Variants in SGCD observed in about 807,000 individuals in gnomAD.
SGCD encodes the protein sarcoglycan delta.
In SGCD, 18 loss-of-function variants were observed where a neutral mutation model predicts 36.6. That is an observed-to-expected ratio of 0.49 (90% CI 0.34 to 0.73). The LOEUF is 0.73. SGCD is among the 30% of genes least tolerant of loss of function. The pLI, the probability that SGCD is intolerant of heterozygous loss-of-function variation, is 0.01. For missense variants in SGCD, 387 were observed against 346.7 expected (o/e 1.12, Z -0.92); for synonymous variants, 133 against 130.6 (o/e 1.02, Z -0.12).
intron 3 of SGCD, among the ~76,000 whole-genome samples, chr5:156,433,220 C>G (rs1045470688): frequency 5.3e-5 from 8 of 152,202 alleles, no homozygotes; most frequent in Non-Finnish European, 1.2e-4. Context: ...ATCATTCTCT[C>G]TCTGTTCTCG....
At position 155,978,028 on chromosome 5, in the gene SGCD, A is replaced by G. The variant is rs1291651611; in HGVS notation, c.-282+107604A>G. On this transcript the variant is annotated intron_variant, in intron 1 of 9. Transcript: ENST00000517913. ...GGTATCGCTTAAACCTAGGCAGCAG[A>G]GGTTGCAGTTAGCTGAGATCATGCC... 4.6e-5 allele frequency among the ~76,000 whole-genome samples: 7 copies of G among 152,092 alleles called. No homozygotes were observed. The East Asian group carries it at 1.3e-3, about 29-fold the overall frequency.
intron 1 of SGCD, among the ~76,000 whole-genome samples, chr5:156,091,775 C>T (rs1761250390): frequency 6.6e-6 from 1 of 152,216 alleles, no homozygotes; most frequent in South Asian, 2.1e-4. Context: ...CCAGTAGCCT[C>T]CTTTTGTTCC....
At chr5:155,901,033 C>T (rs1756377378) in intron 1 of SGCD, among the ~76,000 whole-genome samples, 1 of 152,044 alleles carries the variant, frequency 6.6e-6, no homozygotes, top group Admixed American at 6.6e-5. Flanking sequence ...AAAAAATAGG[C>T]CAGTCGTGGT....
chr5:156,424,697 G>A (rs901015028), intron 3 of SGCD, among the ~76,000 whole-genome samples: 3 of 152,032 alleles, frequency 2.0e-5, no homozygotes, highest in African/African-American at 7.2e-5. Context: ...GGAGGACTCA[G>A]GGCACTCAGC....
At position 156,070,495 on chromosome 5, in the gene SGCD, C is replaced by T. The variant is rs542666018; in HGVS notation, c.-281-47383C>T. Among the ~76,000 whole-genome samples the T allele has an allele frequency of 8.2e-3, 1,138 of 139,372 alleles. 30 individuals carry two copies. Among genetic ancestry groups the T allele is most frequent in the African/African-American group, 0.034 (1,030 of 29,860 alleles). 91.4% of individuals were successfully genotyped at this position (139,372 alleles called of 152,430 possible). A position where few individuals can be genotyped will look rare whatever the true frequency, so the allele number is the denominator to read the frequency against. Reference sequence around the variant, plus strand: ...AGGGATGAAGCCCACTTGATCATGACTGATAAGCTTTTTGATGTGCTGCTG... The same window carrying T: ...AGGGATGAAGCCCACTTGATCATGATTGATAAGCTTTTTGATGTGCTGCTG... On this transcript the variant is annotated intron_variant, in intron 1 of 9. Transcript: ENST00000517913.
intron 1 of SGCD, among the ~76,000 whole-genome samples, chr5:155,940,941 A>C (rs759986827): frequency 3.9e-5 from 6 of 152,126 alleles, no homozygotes; most frequent in Non-Finnish European, 8.8e-5. Flanking sequence ...GGAGTGTCTT[A>C]GTCTATTTTG....
At chr5:155,855,597 C>T in the SGCD span, among the ~76,000 whole-genome samples, 11 of 152,128 alleles carry the variant, frequency 7.2e-5, no homozygotes, top group Admixed American at 2.0e-4. Context: ...CCACATTGAT[C>T]GGCTAAAAAC....
rs1581051463 is a variant in SGCD, at chr5:156,030,429, G to T, written c.-281-87449G>T. On this transcript the variant is annotated intron_variant, in intron 1 of 9. Transcript: ENST00000517913. ...GCAGAGGCAGAGATGAGAGTGGCAT[G>T]TCTACAAGCCAAGGAACAGCAAGGA... is the stretch of plus-strand genomic sequence containing the variant. Among the ~76,000 whole-genome samples the T allele has an allele frequency of 2.0e-5, 3 of 152,294 alleles. No homozygotes were observed. The East Asian group carries it at 5.8e-4, about 29-fold the overall frequency.
chr5:155,877,758 T>C (rs1417830891), intron 1 of SGCD, among the ~76,000 whole-genome samples: 2 of 152,090 alleles, frequency 1.3e-5, no homozygotes, highest in African/African-American at 4.8e-5. Flanking sequence ...AGGAGTTCTT[T>C]GTCTAAATAT....
chr5:156,181,100 G>A (rs1763595530), intron 3 of SGCD, among the ~76,000 whole-genome samples: 1 of 152,192 alleles, frequency 6.6e-6, no homozygotes, highest in Non-Finnish European at 1.5e-5. Flanking sequence ...TCAGGGAAGT[G>A]AGGAAAGGAC....
intron 3 of SGCD, among the ~76,000 whole-genome samples, chr5:156,482,797 A>G (rs1037312366): frequency 5.6e-5 from 7 of 125,364 alleles, no homozygotes; most frequent in African/African-American, 1.8e-4. Context: ...AGCAGGTAGT[A>G]TTATCCTTTT....
At chr5:156,128,536 C>G (rs1394470020) in intron 3 of SGCD, among the ~76,000 whole-genome samples, 2 of 152,106 alleles carry the variant, frequency 1.3e-5, no homozygotes, top group Admixed American at 6.5e-5. Flanking sequence ...TGGTTTGGCT[C>G]TGGGTCCCCA....
upstream of SGCD, among the ~76,000 whole-genome samples, chr5:156,321,904 C>G (rs564758296): frequency 1.3e-3 from 204 of 152,274 alleles, 1 homozygote; most frequent in African/African-American, 4.8e-3. Flanking sequence ...ATCTCTCCCC[C>G]CATCCTCTTT....
intron 1 of SGCD, among the ~76,000 whole-genome samples, chr5:155,905,924 A>G (rs761641564): frequency 6.6e-6 from 1 of 152,082 alleles, no homozygotes; most frequent in Admixed American, 6.6e-5. Context: ...GAATGTCTTT[A>G]TCAGCAGCAT....
At chr5:156,006,162 A>G (rs1365914322) in intron 1 of SGCD, among the ~76,000 whole-genome samples, 1 of 152,202 alleles carries the variant, frequency 6.6e-6, no homozygotes, top group Non-Finnish European at 1.5e-5. Flanking sequence ...TTATCATTAT[A>G]TGATACTGTT....
At chr5:156,565,411 A>G (rs1370269758) in intron 4 of SGCD, among the ~76,000 whole-genome samples, 4 of 152,190 alleles carry the variant, frequency 2.6e-5, no homozygotes, top group Non-Finnish European at 5.9e-5. Flanking sequence ...CTTTCAACTC[A>G]TATCATAGAC....
chr5:155,762,022 T>C, the SGCD span, among the ~76,000 whole-genome samples: 1 of 152,348 alleles, frequency 6.6e-6, no homozygotes, highest in East Asian at 1.9e-4. Flanking sequence ...AATATACACT[T>C]GAATCTCAAG....
chr5:155,931,370 T>C (rs986738299), intron 1 of SGCD, among the ~76,000 whole-genome samples: 3 of 152,176 alleles, frequency 2.0e-5, no homozygotes, highest in Admixed American at 2.0e-4. Context: ...GGATTATTTT[T>C]CCATTTTTTA....
chr5:156,422,648 G>A (rs577829591), intron 3 of SGCD, among the ~76,000 whole-genome samples: 1 of 151,936 alleles, frequency 6.6e-6, no homozygotes. Context: ...ATAAAGCAGG[G>A]TTTCTCAACA....
Sources: allele counts gnomAD v4.1 joint callset (sites outside exome capture counted in the v4.1 genomes callset), GRCh38; gene constraint gnomAD v4.1.1; transcripts MANE v1.5; gene names NCBI Gene and HGNC (gene_info 2026-07-23, HGNC 2026-07-21).